Variants in MGLL observed in about 807,000 individuals in gnomAD.
MGLL encodes monoglyceride lipase.
A neutral mutation model predicts 29.1 loss-of-function variants in MGLL; 7 were observed. The observed-to-expected ratio is 0.24, with a 90% CI of 0.14 to 0.45. MGLL has a LOEUF of 0.45. Among genes scored for constraint, MGLL ranks in the 20% least tolerant of loss-of-function variants. The pLI is 0.99. For synonymous variants in MGLL, 148 were observed against 168.3 expected, an observed-to-expected ratio of 0.88 and a Z score of 0.93; for missense variants, 356 against 413.6, an observed-to-expected ratio of 0.86 and a Z score of 1.21.
intron 3 of MGLL, among the ~76,000 whole-genome samples, chr3:127,776,294 A>G (rs2077035389): frequency 6.6e-6 from 1 of 151,910 alleles, no homozygotes; most frequent in Non-Finnish European, 1.5e-5. Flanking sequence ...TGGGCTGCAT[A>G]TAAGAATCAC....
chr3:127,727,888 T>C, intron 3 of MGLL, among the ~76,000 whole-genome samples: 1 of 152,200 alleles, frequency 6.6e-6, no homozygotes, highest in East Asian at 1.9e-4. Context: ...CCACCAATAA[T>C]AAGCCTACGG....
rs1192401707 is a variant in MGLL, at chr3:127,690,223, C to G, written c.*1975G>C. On this transcript the variant is annotated 3_prime_UTR_variant, in exon 8 of 8. Coordinates refer to ENST00000265052, the MANE Select transcript of MGLL (RefSeq NM_007283.7). ...TGAGTTCCCATGGCTGCCCTGCTGC[C>G]GGGGCTGACTAAGCAGGCGGGGCTG... 1.3e-5 allele frequency: 2 copies of G among 152,066 alleles called. No individual in the cohort carries two copies. The highest frequency in any genetic ancestry group is 4.8e-5 in the African/African-American group (2 of 41,390). 9.4% of individuals were successfully genotyped at this position (152,066 alleles called of 1,614,324 possible). A position where few individuals can be genotyped will look rare whatever the true frequency, so the allele number is the denominator to read the frequency against.
At chr3:127,741,008 C>A (rs922342325) in intron 3 of MGLL, among the ~76,000 whole-genome samples, 1 of 152,178 alleles carries the variant, frequency 6.6e-6, no homozygotes, top group Non-Finnish European at 1.5e-5. Flanking sequence ...CCACGGCTAC[C>A]CCCAGTGAGC....
At chr3:127,781,992 G>A (rs1466156970) in intron 2 of MGLL, 97 bp from the exon 3 acceptor site, 15 of 1,122,330 alleles carry the variant, frequency 1.3e-5, no homozygotes, top group East Asian at 2.5e-5. Flanking sequence ...AGGCCGGGGC[G>A]GGCGGATTGC....
chr3:127,785,747 AC>A, intron 2 of MGLL, among the ~76,000 whole-genome samples: 2 of 152,350 alleles, frequency 1.3e-5, no homozygotes, highest in East Asian at 3.9e-4. Flanking sequence ...TGAGCTTATT[AC>A]GTGCCAGGCC....
chr3:127,711,240 G>A, intron 5 of MGLL: 1 of 179,218 alleles, frequency 5.6e-6, no homozygotes, highest in Non-Finnish European at 1.2e-5. Flanking sequence ...AACATGGGCT[G>A]GGATTTCCAC....
intron 3 of MGLL, among the ~76,000 whole-genome samples, chr3:127,744,379 T>TAGTCA (rs2076402013): frequency 2.0e-5 from 3 of 152,194 alleles, no homozygotes; most frequent in Non-Finnish European, 4.4e-5. Context: ...CAGAAAGCGG[T>TAGTCA]AAGTGGCTGG....
At chr3:127,788,668 C>A (rs1370040788) in intron 2 of MGLL, among the ~76,000 whole-genome samples, 5 of 152,212 alleles carry the variant, frequency 3.3e-5, no homozygotes, top group Non-Finnish European at 7.3e-5. Flanking sequence ...CCTCTGCGCA[C>A]TCCGCAGTCC....
intron 2 of MGLL, among the ~76,000 whole-genome samples, chr3:127,784,517 T>C (rs73862346): frequency 1.3e-3 from 201 of 152,262 alleles, no homozygotes; most frequent in African/African-American, 4.6e-3. Context: ...GTTCTAGCCA[T>C]AGAGGCTGAC....
intron 5 of MGLL, among the ~76,000 whole-genome samples, chr3:127,714,840 A>T (rs967129727): frequency 1.3e-5 from 2 of 152,230 alleles, no homozygotes; most frequent in African/African-American, 4.8e-5. Flanking sequence ...GATTCCCTTA[A>T]AACGATCTGT....
At chr3:127,778,303 G>C (rs577907556) in intron 3 of MGLL, among the ~76,000 whole-genome samples, 1 of 152,192 alleles carries the variant, frequency 6.6e-6, no homozygotes, top group Non-Finnish European at 1.5e-5. Context: ...GGCCTGAGGG[G>C]TGACCCAGCC....
intron 3 of MGLL, among the ~76,000 whole-genome samples, chr3:127,730,607 G>A (rs2076132663): frequency 6.6e-6 from 1 of 152,124 alleles, no homozygotes; most frequent in South Asian, 2.1e-4. Flanking sequence ...AGAGCTTAGG[G>A]TGGGCAGGGA....
At chr3:127,701,720 A>G (rs528732597) in intron 6 of MGLL, among the ~76,000 whole-genome samples, 1 of 151,996 alleles carries the variant, frequency 6.6e-6, no homozygotes, top group Non-Finnish European at 1.5e-5. Context: ...TCCTGCAGGC[A>G]GCCTTCCCCG....
chr3:127,773,675 T>C (rs2076986057), intron 3 of MGLL, among the ~76,000 whole-genome samples: 2 of 152,170 alleles, frequency 1.3e-5, no homozygotes, highest in African/African-American at 2.4e-5. Context: ...CCCTGAGACA[T>C]GCACGAGGCC....
rs185072651 is a variant in MGLL, at chr3:127,734,183, G to A, written c.263-11617C>T. On this transcript the variant is annotated intron_variant, in intron 3 of 7. Transcript: ENST00000265052. ...GCTTTCCCTTGAATCTACCTTGACC[G>A]GGTCTCACTTTCATAACCAGAGGAA... 9.2e-5 allele frequency among the ~76,000 whole-genome samples: 14 copies of A among 152,296 alleles called. No homozygotes were observed. The East Asian group carries it at 9.7e-4, about 11-fold the overall frequency.
At chr3:127,820,928 G>A (rs1245412216) in intron 2 of MGLL, among the ~76,000 whole-genome samples, 3 of 152,204 alleles carry the variant, frequency 2.0e-5, no homozygotes, top group African/African-American at 7.2e-5. Context: ...GATTACTGGA[G>A]CACAAAGAGA....
intron 6 of MGLL, among the ~76,000 whole-genome samples, chr3:127,702,883 C>T (rs575109623): frequency 7.5e-4 from 114 of 152,208 alleles, no homozygotes; most frequent in Admixed American, 7.8e-4. Flanking sequence ...TTAATAAAGA[C>T]GGGGTTTCAC....
chr3:127,726,204 A>AGAC (rs1559926472), intron 3 of MGLL, among the ~76,000 whole-genome samples: 10 of 115,572 alleles, frequency 8.7e-5, no homozygotes, highest in South Asian at 5.6e-4. Context: ...GAAAGAAAGA[A>AGAC]AGACAGAAGG....
intron 2 of MGLL, among the ~76,000 whole-genome samples, chr3:127,806,563 T>G (rs1018933726): frequency 6.6e-6 from 1 of 151,668 alleles, no homozygotes; most frequent in African/African-American, 2.4e-5. Flanking sequence ...GATAAATGAA[T>G]GTATGGATAG....
Sources: gnomAD v4.1 joint callset for allele counts (sites outside exome capture counted in the v4.1 genomes callset) on GRCh38, gnomAD v4.1.1 for gene constraint, MANE v1.5 for transcripts, NCBI Gene and HGNC (gene_info 2026-07-23, HGNC 2026-07-21) for gene names.